ROBO2: variants seen among roughly 807,000 people sequenced by gnomAD.
ROBO2 encodes the protein roundabout guidance receptor 2.
A neutral mutation model predicts 160.8 loss-of-function variants in ROBO2; 53 were observed. The ratio of observed to expected loss-of-function variants is 0.33; its 90% confidence interval spans 0.26 to 0.41. ROBO2 has a LOEUF of 0.41. Among genes scored for constraint, ROBO2 ranks in the 10% least tolerant of loss-of-function variants. The pLI is 1.00. For missense variants in ROBO2, 1,577 were observed against 1,722.4 expected (o/e 0.92, Z 1.49); for synonymous variants, 664 against 611.7 (o/e 1.09, Z -1.26).
chr3:76,551,826 G>A (rs2083442176), intron 2 of ROBO2, among the ~76,000 whole-genome samples: 1 of 152,116 alleles, frequency 6.6e-6, no homozygotes, highest in Admixed American at 6.5e-5. Context: ...TGCCCACTGT[G>A]CCACAGCAGC....
rs1440873753 is a variant in ROBO2, at chr3:77,432,539, T to C, written c.389-44875T>C. Reference sequence around the variant, plus strand: ...GGGAAGCTATTGTCCCTGGGCCAACTCTGGTTCACCCCCTGATTTAATAAG... The same window carrying C: ...GGGAAGCTATTGTCCCTGGGCCAACCCTGGTTCACCCCCTGATTTAATAAG... On this transcript the variant is annotated intron_variant, in intron 2 of 25. Transcript: ENST00000461745. Among the ~76,000 whole-genome samples the C allele has an allele frequency of 3.3e-5, 5 of 152,280 alleles. No homozygotes were observed. The East Asian group carries it at 9.7e-4, about 29-fold the overall frequency.
intron 2 of ROBO2, among the ~76,000 whole-genome samples, chr3:76,131,733 A>T (rs559874634): frequency 2.6e-5 from 4 of 152,004 alleles, no homozygotes; most frequent in African/African-American, 4.8e-5. Flanking sequence ...TGATTTTATA[A>T]CAGTTTTGAT....
At chr3:76,207,347 A>G (rs1450123964) in intron 2 of ROBO2, among the ~76,000 whole-genome samples, 2 of 152,292 alleles carry the variant, frequency 1.3e-5, no homozygotes, top group East Asian at 3.9e-4. Context: ...TGAAAGATCT[A>G]TTCATAGTAT....
intron 2 of ROBO2, among the ~76,000 whole-genome samples, chr3:76,984,229 T>C (rs2060251589): frequency 6.6e-6 from 1 of 152,166 alleles, no homozygotes; most frequent in African/African-American, 2.4e-5. Context: ...CCATATCAGC[T>C]GGGATTCACA....
intron 2 of ROBO2, among the ~76,000 whole-genome samples, chr3:76,956,674 C>T (rs1430850906): frequency 6.6e-6 from 1 of 151,400 alleles, no homozygotes; most frequent in African/African-American, 2.4e-5. Context: ...AAGGACATGG[C>T]AGAGAGAGAG....
At position 76,173,216 on chromosome 3, in the gene ROBO2, G is replaced by C. The variant is rs566918329; in HGVS notation, c.109+235614G>C. Among the ~76,000 whole-genome samples the C allele has an allele frequency of 1.5e-3, 227 of 151,800 alleles. 1 individual carries two copies. The highest frequency in any genetic ancestry group is 5.3e-3 in the African/African-American group (220 of 41,316). The stretch of plus-strand genomic sequence containing the variant: ...AAGGATTTAATGGTAATATATATGT[G>C]TGTGAGTATATATATGTGTGTGTAT... On this transcript the variant is annotated intron_variant, in intron 2 of 26. Coordinates refer to the ROBO2 transcript ENST00000487694.
chr3:76,623,483 G>C (rs1372174175), intron 2 of ROBO2, among the ~76,000 whole-genome samples: 2 of 152,178 alleles, frequency 1.3e-5, no homozygotes, highest in African/African-American at 4.8e-5. Flanking sequence ...ACAGACGGAA[G>C]CATCCAGGAC....
intron 2 of ROBO2, chr3:75,937,685 C>A: frequency 2.5e-6 from 2 of 800,914 alleles, no homozygotes; most frequent in East Asian, 3.0e-5. Context: ...TTTGGTTCGA[C>A]GTTTAAGCAA....
chr3:76,603,354 ATATATATATATATATATAT>A (rs1560219299), intron 2 of ROBO2, among the ~76,000 whole-genome samples: 2 of 66,878 alleles, frequency 3.0e-5, no homozygotes, highest in African/African-American at 5.4e-5. Context: ...AAAAAAAAAT[ATATATATATATATATATAT>A]ATATATATAT....
chr3:76,868,200 C>G (rs1421820094), intron 2 of ROBO2, among the ~76,000 whole-genome samples: 3 of 152,100 alleles, frequency 2.0e-5, no homozygotes, highest in African/African-American at 7.2e-5. Flanking sequence ...TTCTCAGCAA[C>G]CTCCCTAATT....
intron 1 of ROBO2, among the ~76,000 whole-genome samples, chr3:77,071,053 G>T: frequency 6.6e-6 from 1 of 152,106 alleles, no homozygotes; most frequent in Non-Finnish European, 1.5e-5. Flanking sequence ...AGTACCAGCA[G>T]ACTAAGTCTT....
intron 2 of ROBO2, among the ~76,000 whole-genome samples, chr3:76,816,240 C>G (rs1354713901): frequency 2.0e-5 from 3 of 151,880 alleles, no homozygotes; most frequent in African/African-American, 4.8e-5. Flanking sequence ...ACGTGTGGAT[C>G]GGACGTTTTA....
chr3:76,094,441 G>A (rs766703606), intron 2 of ROBO2, among the ~76,000 whole-genome samples: 1 of 152,188 alleles, frequency 6.6e-6, no homozygotes, highest in African/African-American at 2.4e-5. Context: ...AGTCAATAAC[G>A]AAATACAGCT....
chr3:76,361,703 G>T (rs968616161), intron 2 of ROBO2, among the ~76,000 whole-genome samples: 1 of 151,998 alleles, frequency 6.6e-6, no homozygotes, highest in East Asian at 1.9e-4. Flanking sequence ...TTTATTAGGA[G>T]CCCAACTCCT....
rs535196148 is a variant in ROBO2, at chr3:76,508,152, C to A, written c.109+570550C>A. 1.5e-4 allele frequency among the ~76,000 whole-genome samples: 23 copies of A among 152,236 alleles called. No homozygotes were observed. In the South Asian group the frequency reaches 2.9e-3, roughly 19 times the overall value. ...TAAAGCATATATAAATACATGTACA[C>A]AAACTTGTCATTGTTAATTTTAGTT... On this transcript the variant is annotated intron_variant, in intron 2 of 26. Transcript: ENST00000487694.
chr3:77,129,112 C>A lies in ROBO2; in HGVS notation c.388+30772C>A, dbSNP rs558910574. 2.0e-3 allele frequency among the ~76,000 whole-genome samples: 303 copies of A among 151,798 alleles called. 2 individuals carry two copies. The highest frequency in any genetic ancestry group is 7.2e-3 in the African/African-American group (297 of 41,472). The stretch of plus-strand genomic sequence containing the variant: ...TCTTTTTAGAAACTTTTACAACTGT[C>A]TTTTTTTCTACTAATTATTTCTTTA... On this transcript the variant is annotated intron_variant, in intron 2 of 25. Transcript: ENST00000461745.
rs188458469 is a variant in ROBO2, at chr3:76,335,830, C to G, written c.109+398228C>G. On this transcript the variant is annotated intron_variant, in intron 2 of 26. Transcript: ENST00000487694. ...TGACCTTGTGATCCGCCCGCCTCGTCCTCCCAAAGTGTTGGGATTACAGGT... is the reference window on the plus strand; with the variant it reads ...TGACCTTGTGATCCGCCCGCCTCGTGCTCCCAAAGTGTTGGGATTACAGGT... 6.6e-5 allele frequency among the ~76,000 whole-genome samples: 10 copies of G among 152,286 alleles called. No individual in the cohort carries two copies. In the East Asian group the frequency reaches 1.9e-3, roughly 30 times the overall value.
intron 2 of ROBO2, among the ~76,000 whole-genome samples, chr3:77,008,865 A>G (rs940118058): frequency 6.6e-6 from 1 of 152,210 alleles, no homozygotes; most frequent in African/African-American, 2.4e-5. Flanking sequence ...TGTTTTGTTC[A>G]TAACTTTATC....
chr3:76,533,807 C>T (rs1293695352), intron 2 of ROBO2, among the ~76,000 whole-genome samples: 2 of 152,048 alleles, frequency 1.3e-5, no homozygotes, highest in African/African-American at 4.8e-5. Flanking sequence ...GACCATGAGA[C>T]TCACTGTCCA....
Sources: gnomAD v4.1 joint callset for allele counts (sites outside exome capture counted in the v4.1 genomes callset) on GRCh38, gnomAD v4.1.1 for gene constraint, MANE v1.5 for transcripts, NCBI Gene and HGNC (gene_info 2026-07-23, HGNC 2026-07-21) for gene names.